KLHL6: variants seen among roughly 807,000 people sequenced by gnomAD.
KLHL6 encodes kelch like family member 6.
A neutral mutation model predicts 58.6 loss-of-function variants in KLHL6; 41 were observed. The ratio of observed to expected loss-of-function variants is 0.70; its 90% CI spans 0.55 to 0.91. The LOEUF is 0.91. KLHL6 is among the 40% of genes least tolerant of loss of function. The probability of loss-of-function intolerance (pLI) is 0.00; values close to 1 mark genes in which losing one functional copy is unlikely to be tolerated. For synonymous variants in KLHL6, 338 were observed against 322.7 expected (o/e 1.05, Z -0.51); for missense variants, 714 against 805.6 (o/e 0.89, Z 1.38).
chr3:183,500,712 C>T (rs1425825540), intron 3 of KLHL6, among the ~76,000 whole-genome samples: 2 of 152,196 alleles, frequency 1.3e-5, no homozygotes, highest in East Asian at 3.9e-4. Flanking sequence ...AGCTGCCCTT[C>T]CCTGGTTCCA....
At chr3:183,510,209 G>A (rs1030369987) in intron 2 of KLHL6, among the ~76,000 whole-genome samples, 1 of 148,304 alleles carries the variant, frequency 6.7e-6, no homozygotes, top group Non-Finnish European at 1.5e-5. Context: ...TCCCTTCCCC[G>A]TCTACTGGAC....
chr3:183,528,043 C>T (rs775292062), intron 1 of KLHL6, 33 bp from the exon 2 acceptor site: 43 of 1,612,720 alleles, frequency 2.7e-5, no homozygotes, highest in Middle Eastern at 1.7e-4. Flanking sequence ...TGAATCGTGC[C>T]GAGACCCTTG....
intron 1 of KLHL6, among the ~76,000 whole-genome samples, chr3:183,533,432 T>A (rs976125234): frequency 4.2e-5 from 6 of 141,688 alleles, no homozygotes; most frequent in African/African-American, 1.3e-4. Context: ...CACACCCAAC[T>A]TTTTTTTTTT....
intron 2 of KLHL6, among the ~76,000 whole-genome samples, chr3:183,511,517 G>A (rs1197967776): frequency 1.3e-5 from 2 of 152,174 alleles, no homozygotes; most frequent in East Asian, 3.8e-4. Flanking sequence ...TGTCGGGCTG[G>A]GGGATGGTCA....
At chr3:183,543,713 C>G (rs1437204406) in intron 1 of KLHL6, among the ~76,000 whole-genome samples, 7 of 152,220 alleles carry the variant, frequency 4.6e-5, no homozygotes, top group Admixed American at 3.3e-4. Flanking sequence ...CTACAAGACA[C>G]ATGATCTTTT....
intron 1 of KLHL6, among the ~76,000 whole-genome samples, chr3:183,537,365 C>T (rs1248802694): frequency 2.6e-5 from 4 of 152,228 alleles, no homozygotes; most frequent in Non-Finnish European, 5.9e-5. Flanking sequence ...AAACTTTGCT[C>T]TCTGAGAACA....
At chr3:183,549,371 G>C (rs898987830) in intron 1 of KLHL6, among the ~76,000 whole-genome samples, 2 of 152,190 alleles carry the variant, frequency 1.3e-5, no homozygotes, top group African/African-American at 4.8e-5. Context: ...TTCCAATATT[G>C]TGGATCAGAA....
intron 2 of KLHL6, among the ~76,000 whole-genome samples, chr3:183,517,526 G>A (rs1711606064): frequency 6.6e-6 from 1 of 152,160 alleles, no homozygotes; most frequent in African/African-American, 2.4e-5. Context: ...CATGGAGTGG[G>A]CAGAAAAGGA....
intron 1 of KLHL6, among the ~76,000 whole-genome samples, chr3:183,553,450 A>G (rs1263583195): frequency 6.6e-6 from 1 of 152,210 alleles, no homozygotes; most frequent in Non-Finnish European, 1.5e-5. Context: ...AACTGCTTCC[A>G]GGTATGCATT....
intron 3 of KLHL6, 149 bp downstream of exon 3, chr3:183,507,910 T>C (rs1718055191): frequency 1.5e-6 from 1 of 675,506 alleles, no homozygotes; most frequent in East Asian, 2.7e-5. Context: ...TCAGGGCTTC[T>C]GGAACTGACC....
chr3:183,545,533 C>A (rs1223096343), intron 1 of KLHL6, among the ~76,000 whole-genome samples: 1 of 152,166 alleles, frequency 6.6e-6, no homozygotes, highest in Admixed American at 6.5e-5. Flanking sequence ...ATTTTCTAAT[C>A]TTGATTGGAA....
chr3:183,536,905 A>C (rs781092386), intron 1 of KLHL6, among the ~76,000 whole-genome samples: 2 of 152,174 alleles, frequency 1.3e-5, no homozygotes, highest in Non-Finnish European at 2.9e-5. Flanking sequence ...GAATCGGCCT[A>C]AACATCTCAG....
At chr3:183,530,580 G>C (rs1319277242) in intron 1 of KLHL6, among the ~76,000 whole-genome samples, 1 of 152,040 alleles carries the variant, frequency 6.6e-6, no homozygotes, top group East Asian at 1.9e-4. Context: ...AGGCAAAAGG[G>C]AACCAAAAAT....
chr3:183,499,960 C>T lies in KLHL6; in HGVS notation c.910-133G>A, dbSNP rs979222218. 1 of 608,656 alleles carries T rather than the reference C, an allele frequency of 1.6e-6. No individual in the cohort carries two copies. 37.7% of individuals were successfully genotyped at this position (608,656 alleles called of 1,614,324 possible). A position where few individuals can be genotyped will look rare whatever the true frequency, so the allele number is the denominator to read the frequency against. ...ACCATGTGACTTCACCTCCCTGAGCCTCAGTTTCATCATCTGTATAATCGG... is the reference window on the plus strand; with the variant it reads ...ACCATGTGACTTCACCTCCCTGAGCTTCAGTTTCATCATCTGTATAATCGG... On this transcript the variant is annotated intron_variant, in intron 3 of 6. Coordinates refer to ENST00000341319, the MANE Select transcript of KLHL6 (RefSeq NM_130446.4). This position sits in a 1 kb window ranked among gnomAD's most constrained non-coding sequence, Gnocchi z 4.6.
intron 1 of KLHL6, among the ~76,000 whole-genome samples, chr3:183,554,259 C>T (rs1713030177): frequency 1.3e-5 from 2 of 152,146 alleles, no homozygotes; most frequent in Admixed American, 1.3e-4. Context: ...TCATGGGAAA[C>T]ACTCAATAAG....
At chr3:183,538,794 C>A (rs1275402778) in intron 1 of KLHL6, among the ~76,000 whole-genome samples, 1 of 152,172 alleles carries the variant, frequency 6.6e-6, no homozygotes, top group Non-Finnish European at 1.5e-5. Flanking sequence ...AAGGGAAGCA[C>A]TTAAACATTC....
In KLHL6 at chr3:183,492,096, C is replaced by T; in HGVS notation, c.1697G>A (p.Arg566Gln). 1 of 1,613,840 alleles carries T rather than the reference C, an allele frequency of 6.2e-7. No homozygotes were observed. The highest frequency in any genetic ancestry group is 8.5e-7 in the Non-Finnish European group (1 of 1,180,016). The change falls in exon 7 of 7, where the codon CGG becomes CAG. Residue 566 changes from arginine to glutamine, a missense_variant. Arg to Gln is a conservative substitution (Grantham distance 43, BLOSUM62 1). Transcript: ENST00000341319. This position sits in a 1 kb window ranked among gnomAD's most constrained non-coding sequence, Gnocchi z 5.9. The stretch of plus-strand genomic sequence containing the variant: ...GGCGATAACCTCGTTCTTCTCGTCC[C>T]GCCCGCCGGTGATGTAGAGCCGGTT... ...CNNRLYITGG[R>Q]DEKNEVIATV... is the part of the protein sequence containing the mutation.
At chr3:183,532,469 C>T (rs1712193965) in intron 1 of KLHL6, among the ~76,000 whole-genome samples, 1 of 152,236 alleles carries the variant, frequency 6.6e-6, no homozygotes, top group African/African-American at 2.4e-5. Context: ...CACCCCAGAC[C>T]CTTGTAGTTC....
intron 3 of KLHL6, among the ~76,000 whole-genome samples, chr3:183,504,439 T>A (rs560127404): frequency 6.6e-6 from 1 of 152,290 alleles, no homozygotes; most frequent in South Asian, 2.1e-4. Context: ...TTTCCAGATG[T>A]CAGAATTCTC....
Sources: allele counts gnomAD v4.1 joint callset (sites outside exome capture counted in the v4.1 genomes callset), GRCh38; gene constraint gnomAD v4.1.1; non-coding constraint Gnocchi (gnomAD v3.1); transcripts MANE v1.5; gene names NCBI Gene and HGNC (gene_info 2026-07-23, HGNC 2026-07-21).